Variants in MYRIP observed in about 807,000 individuals in gnomAD.
MYRIP encodes rab effector MyRIP.
In MYRIP, 49 loss-of-function variants were observed where a neutral mutation model predicts 98.0. The observed-to-expected ratio is 0.50, with a 90% CI of 0.40 to 0.63. The LOEUF (loss-of-function observed/expected upper bound fraction) is 0.63. Ranked by LOEUF, MYRIP falls within the 30% of genes least tolerant of loss-of-function variation. MYRIP has a pLI of 0.00. For synonymous variants in MYRIP, 404 were observed against 409.5 expected (o/e 0.99, Z 0.16); for missense variants, 1,004 against 1,058.2 (o/e 0.95, Z 0.71).
In MYRIP at chr3:40,147,592, T is replaced by C. The variant is rs188054860; in HGVS notation, c.333-3456T>C. Among the ~76,000 whole-genome samples the C allele has an allele frequency of 3.6e-4, 55 of 152,332 alleles. No individual in the cohort carries two copies. In the East Asian group the frequency reaches 8.3e-3, roughly 23 times the overall value. ...TTATTCTTGGCTATAACACTTGGGCTACTTGAAAAATGGGTCATCATCTTT... is the reference window on the plus strand; with the variant it reads ...TTATTCTTGGCTATAACACTTGGGCCACTTGAAAAATGGGTCATCATCTTT... On this transcript the variant is annotated intron_variant, in intron 3 of 16. Coordinates refer to ENST00000302541, the MANE Select transcript of MYRIP (RefSeq NM_015460.4).
At chr3:39,873,120 G>T (rs1402648124) in intron 1 of MYRIP, among the ~76,000 whole-genome samples, 2 of 152,210 alleles carry the variant, frequency 1.3e-5, no homozygotes, top group African/African-American at 4.8e-5. Flanking sequence ...ATGTTTTTTG[G>T]CTGCATAAAT....
chr3:40,133,045 C>T (rs193263746), intron 3 of MYRIP, among the ~76,000 whole-genome samples: 1 of 152,336 alleles, frequency 6.6e-6, no homozygotes, highest in East Asian at 1.9e-4. Context: ...TCTCTGTGGA[C>T]ATTCATACCT....
At chr3:40,130,574 G>A (rs947490370) in intron 3 of MYRIP, among the ~76,000 whole-genome samples, 1 of 151,554 alleles carries the variant, frequency 6.6e-6, no homozygotes, top group Non-Finnish European at 1.5e-5. Flanking sequence ...TAGAGACGGG[G>A]TTTCACCGTG....
intron 3 of MYRIP, among the ~76,000 whole-genome samples, chr3:40,103,469 G>A (rs539124760): frequency 3.5e-4 from 54 of 152,254 alleles, no homozygotes; most frequent in Non-Finnish European, 6.0e-4. Context: ...GATAAAATCC[G>A]GCCACAGAAC....
At chr3:39,935,009 C>T (rs1944626319) in intron 2 of MYRIP, among the ~76,000 whole-genome samples, 1 of 152,172 alleles carries the variant, frequency 6.6e-6, no homozygotes, top group Non-Finnish European at 1.5e-5. Context: ...TGACAGCTTC[C>T]CTGTCTTCAC....
chr3:40,207,515 A>C (rs906111614), intron 10 of MYRIP, among the ~76,000 whole-genome samples: 2 of 152,106 alleles, frequency 1.3e-5, no homozygotes, highest in East Asian at 3.8e-4. Context: ...GATATTTTTC[A>C]TTTCTATGTC....
intron 2 of MYRIP, among the ~76,000 whole-genome samples, chr3:39,944,521 G>C (rs910531227): frequency 2.0e-5 from 3 of 151,918 alleles, no homozygotes; most frequent in Non-Finnish European, 4.4e-5. Flanking sequence ...GAGATATTCT[G>C]TATATGCACA....
rs543911856 is a variant in MYRIP, at chr3:39,889,468, A to G, written c.-30-11319A>G. ...ACCACATATTCTCACTCATAGGTGG[A>G]AACTGAACAATGAGAACACATGGAC... is the stretch of plus-strand genomic sequence containing the variant. On this transcript the variant is annotated intron_variant, in intron 1 of 16. Transcript: ENST00000302541. 3.3e-5 allele frequency among the ~76,000 whole-genome samples: 5 copies of G among 152,250 alleles called. No individual in the cohort carries two copies. In the South Asian group the frequency reaches 8.3e-4, roughly 25 times the overall value.
At chr3:40,254,333 T>C (rs1275182948) in intron 16 of MYRIP, among the ~76,000 whole-genome samples, 1 of 152,126 alleles carries the variant, frequency 6.6e-6, no homozygotes, top group Non-Finnish European at 1.5e-5. Context: ...ATTCATGCCT[T>C]TGTCTGGCTC....
chr3:39,873,972 C>G (rs1942892752), intron 1 of MYRIP, among the ~76,000 whole-genome samples: 1 of 151,574 alleles, frequency 6.6e-6, no homozygotes, highest in South Asian at 2.1e-4. Context: ...TACCCATGAG[C>G]ATGGAATGTT....
At chr3:40,133,311 A>G (rs985639380) in intron 3 of MYRIP, among the ~76,000 whole-genome samples, 4 of 152,222 alleles carry the variant, frequency 2.6e-5, no homozygotes, top group African/African-American at 9.6e-5. Flanking sequence ...AGAAAAACCA[A>G]TATGCTGTAA....
At chr3:39,864,278 A>G (rs989936006) in intron 1 of MYRIP, among the ~76,000 whole-genome samples, 4 of 152,270 alleles carry the variant, frequency 2.6e-5, no homozygotes, top group Admixed American at 6.5e-5. Context: ...CCTATTCAAC[A>G]TACTGTTGGA....
At chr3:40,068,633 T>G (rs1220436611) in intron 3 of MYRIP, among the ~76,000 whole-genome samples, 1 of 152,212 alleles carries the variant, frequency 6.6e-6, no homozygotes, top group East Asian at 1.9e-4. Flanking sequence ...TCAAGGATAC[T>G]ACATTCAAGT....
rs995957495 is a variant in MYRIP, at chr3:39,874,811, T to C, written c.-30-25976T>C. On this transcript the variant is annotated intron_variant, in intron 1 of 16. Transcript: ENST00000302541. ...ATTGGTCTAAAATTCTCTTTTTTGG[T>C]TGTGTCTCTGCCCGGCTTTGGTATC... Among the ~76,000 whole-genome samples the C allele has an allele frequency of 1.8e-4, 27 of 152,282 alleles. No homozygotes were observed. The Middle Eastern group carries it at 0.02, about 115-fold the overall frequency.
At chr3:40,055,193 C>G (rs58091682) in intron 3 of MYRIP, among the ~76,000 whole-genome samples, 3,735 of 152,224 alleles carry the variant, frequency 0.025, 148 homozygotes, top group African/African-American at 0.083. Flanking sequence ...TATAATCAAT[C>G]AAGTACATAC....
chr3:40,209,737 C>A, intron 10 of MYRIP, 117 bp from the exon 11 acceptor site: 1 of 1,359,420 alleles, frequency 7.4e-7, no homozygotes, highest in Non-Finnish European at 1.0e-6. Flanking sequence ...GGTAAGAAAG[C>A]TGTTACTTTC....
chr3:40,152,228 T>C (rs982007711), intron 4 of MYRIP, among the ~76,000 whole-genome samples: 1 of 152,228 alleles, frequency 6.6e-6, no homozygotes, highest in Non-Finnish European at 1.5e-5. Context: ...TTCAAAGTCA[T>C]ACTGTTAGCA....
chr3:40,034,448 T>G (rs1947331672), intron 2 of MYRIP, among the ~76,000 whole-genome samples: 1 of 151,968 alleles, frequency 6.6e-6, no homozygotes, highest in Non-Finnish European at 1.5e-5. Flanking sequence ...AAGACATTTA[T>G]GCAGCCAAAA....
chr3:40,149,610 G>A (rs1375267490), intron 3 of MYRIP, among the ~76,000 whole-genome samples: 3 of 152,034 alleles, frequency 2.0e-5, no homozygotes, highest in Non-Finnish European at 4.4e-5. Context: ...GTAGGGATGG[G>A]GGACCAAGAG....
Sources: allele counts gnomAD v4.1 joint callset (sites outside exome capture counted in the v4.1 genomes callset), GRCh38; gene constraint gnomAD v4.1.1; transcripts MANE v1.5; gene names NCBI Gene and HGNC (gene_info 2026-07-23, HGNC 2026-07-21).